MSRB3: variants seen among roughly 807,000 people sequenced by gnomAD.
MSRB3 encodes the protein methionine sulfoxide reductase B3.
A neutral mutation model predicts 21.0 loss-of-function variants in MSRB3; 13 were observed. The ratio of observed to expected loss-of-function variants is 0.62; its 90% CI spans 0.40 to 0.98. The LOEUF (loss-of-function observed/expected upper bound fraction) is 0.98. MSRB3 is among the 50% of genes least tolerant of loss of function. The pLI, the probability that MSRB3 is intolerant of heterozygous loss-of-function variation, is 0.00. For synonymous variants in MSRB3, 87 were observed against 88.6 expected, an observed-to-expected ratio of 0.98 and a Z score of 0.10; for missense variants, 199 against 230.3, an observed-to-expected ratio of 0.86 and a Z score of 0.88.
At chr12:65,422,399 TATATATATATATATATATATATATATATA>T (rs1338596410) in intron 5 of MSRB3, among the ~76,000 whole-genome samples, 517 of 29,140 alleles carry the variant, frequency 0.018, 20 homozygotes, top group African/African-American at 0.04. Flanking sequence ...TATATATATA[TATATATATATATATATATATATATATATA>T]TATTTATTTA....
chr12:65,341,602 G>A (rs1876147686), intron 4 of MSRB3, among the ~76,000 whole-genome samples: 1 of 151,676 alleles, frequency 6.6e-6, no homozygotes, highest in Non-Finnish European at 1.5e-5. Context: ...ATAAATGCTT[G>A]CAGTAATGAC....
At chr12:65,462,909 C>A (rs1883392749) in intron 6 of MSRB3, among the ~76,000 whole-genome samples, 2 of 152,160 alleles carry the variant, frequency 1.3e-5, no homozygotes, top group South Asian at 2.1e-4. Context: ...CTTCACAGAT[C>A]AAAAAATACG....
chr12:65,466,343 A>G lies in MSRB3; in HGVS notation c.*3021A>G, dbSNP rs1343288018. ...TATATTACTAAAACGTCAGTGAGCA[A>G]TAATGTCAGCTGTCAAGCACTAGAT... is the stretch of plus-strand genomic sequence containing the variant. On this transcript the variant is annotated 3_prime_UTR_variant, in exon 7 of 7. Coordinates refer to ENST00000308259, the MANE Select transcript of MSRB3 (RefSeq NM_001031679.3). 1 of 152,202 alleles carries G rather than the reference A, an allele frequency of 6.6e-6. No homozygotes were observed. Among genetic ancestry groups the G allele is most frequent in the Non-Finnish European group, 1.5e-5 (1 of 68,022 alleles). 9.4% of individuals were successfully genotyped at this position (152,202 alleles called of 1,614,324 possible). A position where few individuals can be genotyped will look rare whatever the true frequency, so the allele number is the denominator to read the frequency against.
chr12:65,424,761 C>T (rs1434908203), intron 5 of MSRB3, among the ~76,000 whole-genome samples: 1 of 151,228 alleles, frequency 6.6e-6, no homozygotes, highest in Admixed American at 6.6e-5. Flanking sequence ...TCCGCTTGTG[C>T]TTGAAGAGAA....
rs1475959716 is a variant in MSRB3, at chr12:65,455,575, C to G, written c.390+1750C>G. Among the ~76,000 whole-genome samples the G allele has an allele frequency of 2.0e-5, 3 of 152,270 alleles. No homozygotes were observed. The East Asian group carries it at 5.8e-4, about 29-fold the overall frequency. The stretch of plus-strand genomic sequence containing the variant: ...CTGAGGCACAAAGAGAGCAATTAAA[C>G]TTGGGTCAGCTTATGTGGATTTAAG... On this transcript the variant is annotated intron_variant, in intron 6 of 6. Transcript: ENST00000308259.
intron 5 of MSRB3, 121 bp from the exon 6 acceptor site, chr12:65,453,607 G>C (rs1882955097): frequency 2.5e-6 from 2 of 793,184 alleles, no homozygotes. Context: ...TTTTCAGGTT[G>C]AAAAGTTAAA....
intron 5 of MSRB3, among the ~76,000 whole-genome samples, chr12:65,383,957 C>G (rs1406771471): frequency 1.3e-5 from 2 of 152,134 alleles, no homozygotes; most frequent in Non-Finnish European, 2.9e-5. Flanking sequence ...CTGCCCCCGG[C>G]TGAATTATTT....
chr12:65,388,026 A>G (rs1879281178), intron 5 of MSRB3, among the ~76,000 whole-genome samples: 1 of 152,212 alleles, frequency 6.6e-6, no homozygotes, highest in Non-Finnish European at 1.5e-5. Context: ...ATTTAGTTAC[A>G]CAGACTAAGA....
At chr12:65,388,747 T>G (rs1879319439) in intron 5 of MSRB3, among the ~76,000 whole-genome samples, 1 of 151,984 alleles carries the variant, frequency 6.6e-6, no homozygotes, top group Admixed American at 6.6e-5. Context: ...GGTGGGTGCC[T>G]GTAGTCCCAG....
chr12:65,297,780 A>G (rs552882917), intron 1 of MSRB3, among the ~76,000 whole-genome samples: 4 of 152,194 alleles, frequency 2.6e-5, no homozygotes, highest in Non-Finnish European at 2.9e-5. Context: ...GCCCTTTTGC[A>G]GTAGTGTGGA....
intron 4 of MSRB3, among the ~76,000 whole-genome samples, chr12:65,338,800 C>T (rs568078557): frequency 2.0e-5 from 3 of 152,270 alleles, no homozygotes; most frequent in East Asian, 3.9e-4. Flanking sequence ...CCAGGCTGGG[C>T]GCGGTGGCTC....
At chr12:65,399,922 C>T (rs768166666) in intron 5 of MSRB3, among the ~76,000 whole-genome samples, 6 of 152,140 alleles carry the variant, frequency 3.9e-5, no homozygotes, top group East Asian at 1.9e-4. Context: ...TTGCACATGT[C>T]GAACCAGCCT....
intron 4 of MSRB3, among the ~76,000 whole-genome samples, chr12:65,345,037 A>G (rs1429825118): frequency 1.3e-5 from 2 of 152,066 alleles, no homozygotes; most frequent in African/African-American, 4.8e-5. Context: ...CATGCAACAA[A>G]CACTACAAAC....
At chr12:65,282,651 G>T (rs1461705557) in intron 1 of MSRB3, among the ~76,000 whole-genome samples, 1 of 150,922 alleles carries the variant, frequency 6.6e-6, no homozygotes, top group Non-Finnish European at 1.5e-5. Flanking sequence ...TCTCTAGTTT[G>T]CTTCACTGTT....
intron 5 of MSRB3, among the ~76,000 whole-genome samples, chr12:65,400,725 C>T (rs1880079126): frequency 1.3e-5 from 2 of 152,104 alleles, no homozygotes; most frequent in Non-Finnish European, 2.9e-5. Context: ...TTAGATCTTT[C>T]CTGCTTTCTC....
chr12:65,349,053 C>T (rs1038814243), intron 4 of MSRB3, among the ~76,000 whole-genome samples: 2 of 151,986 alleles, frequency 1.3e-5, no homozygotes, highest in African/African-American at 4.8e-5. Flanking sequence ...TGCTATCCCT[C>T]CCCCTTCTCC....
intron 4 of MSRB3, among the ~76,000 whole-genome samples, chr12:65,333,798 TC>T (rs1173336782): frequency 6.6e-6 from 1 of 152,220 alleles, no homozygotes; most frequent in Non-Finnish European, 1.5e-5. Flanking sequence ...TTGTCTACCC[TC>T]TTGGAGTGAA....
intron 5 of MSRB3, among the ~76,000 whole-genome samples, chr12:65,430,341 TAAATA>T (rs1881816793): frequency 6.6e-6 from 1 of 152,164 alleles, no homozygotes; most frequent in African/African-American, 2.4e-5. Context: ...TAGACTAAAT[TAAATA>T]AGAGTAATTT....
intron 6 of MSRB3, among the ~76,000 whole-genome samples, chr12:65,455,912 A>G (rs986265918): frequency 1.3e-5 from 2 of 151,890 alleles, no homozygotes; most frequent in African/African-American, 4.8e-5. Flanking sequence ...AATTTTTTGT[A>G]TTTTTGGTAG....
Sources: allele counts gnomAD v4.1 joint callset (sites outside exome capture counted in the v4.1 genomes callset), GRCh38; gene constraint gnomAD v4.1.1; transcripts MANE v1.5; gene names NCBI Gene and HGNC (gene_info 2026-07-23, HGNC 2026-07-21).